The following DOCK3 variants were observed in gnomAD, a reference collection of about 807,000 sequenced individuals.
DOCK3 encodes dedicator of cytokinesis 3, also known as dedicator of cytokinesis protein 3.
A neutral mutation model predicts 265.6 loss-of-function variants in DOCK3; 60 were observed. That is an observed-to-expected ratio of 0.23 (90% confidence interval 0.18 to 0.28). The LOEUF is 0.28. Among genes scored for constraint, DOCK3 ranks in the 10% least tolerant of loss-of-function variants. The pLI is 1.00. For synonymous variants in DOCK3, 881 were observed against 938.0 expected (o/e 0.94, Z 1.11); for missense variants, 1,981 against 2,594.3 (o/e 0.76, Z 5.14).
intron 10 of DOCK3, among the ~76,000 whole-genome samples, chr3:51,148,468 G>T (rs1168768076): frequency 6.6e-6 from 1 of 152,058 alleles, no homozygotes; most frequent in Non-Finnish European, 1.5e-5. Context: ...GGATTTTTAT[G>T]GTTTTAGGTC....
intron 9 of DOCK3, among the ~76,000 whole-genome samples, chr3:51,128,930 C>T (rs2084388015): frequency 6.6e-6 from 1 of 152,002 alleles, no homozygotes; most frequent in Non-Finnish European, 1.5e-5. Context: ...CAGAATGGGT[C>T]ATCCTATCTA....
intron 2 of DOCK3, among the ~76,000 whole-genome samples, chr3:50,813,129 T>C (rs2043864718): frequency 6.6e-6 from 1 of 152,234 alleles, no homozygotes; most frequent in African/African-American, 2.4e-5. Context: ...AAAAAATTGG[T>C]AATGTCTTAA....
At chr3:50,732,842 T>C (rs2038309159) in intron 1 of DOCK3, among the ~76,000 whole-genome samples, 1 of 152,248 alleles carries the variant, frequency 6.6e-6, no homozygotes, top group South Asian at 2.1e-4. Flanking sequence ...GGATATGTAG[T>C]AATGTTTTGA....
chr3:50,964,958 C>G (rs556528905), intron 5 of DOCK3, among the ~76,000 whole-genome samples: 8 of 152,130 alleles, frequency 5.3e-5, no homozygotes, highest in Admixed American at 2.0e-4. Flanking sequence ...TTTCTATACC[C>G]ACTGAATTAT....
At chr3:51,366,861 T>C (rs2087225382) in intron 49 of DOCK3, among the ~76,000 whole-genome samples, 1 of 152,236 alleles carries the variant, frequency 6.6e-6, no homozygotes, top group Non-Finnish European at 1.5e-5. Context: ...GCACCGTTTG[T>C]TATAATTTCT....
At chr3:51,214,404 A>G (rs577110603) in intron 14 of DOCK3, among the ~76,000 whole-genome samples, 157 bp downstream of exon 14, 2 of 152,258 alleles carry the variant, frequency 1.3e-5, no homozygotes, top group Admixed American at 6.5e-5. Context: ...TCTGCAGTCA[A>G]TGGCCCTTTG....
chr3:51,102,359 A>G (rs946658282), intron 9 of DOCK3, among the ~76,000 whole-genome samples: 2 of 152,270 alleles, frequency 1.3e-5, no homozygotes, highest in African/African-American at 4.8e-5. Flanking sequence ...ATGGAAGTGA[A>G]GAACACAAGG....
intron 5 of DOCK3, among the ~76,000 whole-genome samples, chr3:51,030,321 A>T (rs1047336494): frequency 3.9e-5 from 6 of 152,168 alleles, no homozygotes; most frequent in Non-Finnish European, 2.9e-5. Context: ...GGTAGGCCTG[A>T]TAATTTTTAA....
Position 51,267,763 on chromosome 3 carries a change from T to C in DOCK3, c.2356-3052T>C, listed in dbSNP as rs1028265576. Among the ~76,000 whole-genome samples, 6 of 152,082 alleles carry C rather than the reference T, an allele frequency of 3.9e-5. No individual in the cohort carries two copies. In the South Asian group the frequency reaches 1.0e-3, roughly 26 times the overall value. On this transcript the variant is annotated intron_variant, in intron 23 of 52. Transcript: ENST00000266037. ...ACCCAAATGCCCATCAGTCATAGAC[T>C]AGATAAAGAAAATGTGGCACATATA...
intron 5 of DOCK3, among the ~76,000 whole-genome samples, chr3:50,996,415 C>T (rs1377070151): frequency 6.6e-6 from 1 of 152,024 alleles, no homozygotes; most frequent in Non-Finnish European, 1.5e-5. Flanking sequence ...GATGGGGTTT[C>T]ACCGTGTTAG....
At chr3:51,215,596 T>C (rs2089737142) in intron 14 of DOCK3, among the ~76,000 whole-genome samples, 1 of 152,206 alleles carries the variant, frequency 6.6e-6, no homozygotes, top group Non-Finnish European at 1.5e-5. Context: ...TGCCAGCACA[T>C]ACACAAAGAG....
chr3:50,872,673 A>G (rs1214449940), intron 3 of DOCK3, among the ~76,000 whole-genome samples: 2 of 152,194 alleles, frequency 1.3e-5, no homozygotes, highest in African/African-American at 4.8e-5. Context: ...GATATCTAGG[A>G]GCCAGGGACT....
At chr3:51,173,374 C>T (rs1230722365) in intron 12 of DOCK3, among the ~76,000 whole-genome samples, 1 of 152,194 alleles carries the variant, frequency 6.6e-6, no homozygotes, top group Non-Finnish European at 1.5e-5. Flanking sequence ...CTGCCTGCCT[C>T]AGCCTCCCAA....
At chr3:50,681,218 C>T (rs576300394) in intron 1 of DOCK3, among the ~76,000 whole-genome samples, 2 of 152,274 alleles carry the variant, frequency 1.3e-5, no homozygotes, top group South Asian at 4.1e-4. Flanking sequence ...AAACATGGCA[C>T]CTATTTCTGT....
At chr3:50,732,798 T>C (rs1286184684) in intron 1 of DOCK3, among the ~76,000 whole-genome samples, 1 of 152,202 alleles carries the variant, frequency 6.6e-6, no homozygotes, top group African/African-American at 2.4e-5. Flanking sequence ...TAAATTATAT[T>C]GTATACCTAA....
intron 50 of DOCK3, among the ~76,000 whole-genome samples, chr3:51,375,017 C>G (rs2087986809): frequency 6.6e-6 from 1 of 152,228 alleles, no homozygotes; most frequent in Admixed American, 6.5e-5. Flanking sequence ...TTCATCCATC[C>G]AACTGAAGTC....
chr3:50,866,879 G>A (rs1034647423), intron 3 of DOCK3, among the ~76,000 whole-genome samples: 4 of 152,122 alleles, frequency 2.6e-5, no homozygotes, highest in Non-Finnish European at 4.4e-5. Flanking sequence ...CACCAGACTT[G>A]TTCTTTTTCT....
chr3:51,207,477 T>G (rs1477467009), intron 12 of DOCK3, among the ~76,000 whole-genome samples: 2 of 152,214 alleles, frequency 1.3e-5, no homozygotes, highest in Admixed American at 1.3e-4. Flanking sequence ...GAAGAAATTC[T>G]GTAGGCAGAA....
intron 12 of DOCK3, among the ~76,000 whole-genome samples, chr3:51,187,524 G>A (rs979990645): frequency 6.6e-6 from 1 of 152,148 alleles, no homozygotes; most frequent in Non-Finnish European, 1.5e-5. Flanking sequence ...GGGTGGTTTT[G>A]AAATGTGAAG....
Sources: gnomAD v4.1 joint callset for allele counts (sites outside exome capture counted in the v4.1 genomes callset) on GRCh38, gnomAD v4.1.1 for gene constraint, MANE v1.5 for transcripts, NCBI Gene and HGNC (gene_info 2026-07-23, HGNC 2026-07-21) for gene names.